The following CELF2 variants were observed in gnomAD, a reference collection of about 807,000 sequenced individuals.
The protein encoded by CELF2 is CUGBP Elav-like family member 2.
A neutral mutation model predicts 62.6 loss-of-function variants in CELF2; 8 were observed. The ratio of observed to expected loss-of-function variants is 0.13; its 90% CI spans 0.07 to 0.23. The LOEUF (loss-of-function observed/expected upper bound fraction) is 0.23, where lower values mean the gene tolerates loss of function less well. CELF2 is among the 10% of genes least tolerant of loss of function. The pLI is 1.00. For missense variants in CELF2, 333 were observed against 671.0 expected (o/e 0.50, Z 5.56); for synonymous variants, 258 against 250.0 (o/e 1.03, Z -0.30).
At chr10:11,004,830 C>T (rs971010230), upstream of CELF2, among the ~76,000 whole-genome samples, 1 of 152,140 alleles carries the variant, frequency 6.6e-6, no homozygotes, top group African/African-American at 2.4e-5. This position sits in a 1 kb window ranked among gnomAD's most constrained non-coding sequence, Gnocchi z 5.0. Context: ...ACAAGAGGAG[C>T]AGATGAATCC....
chr10:10,539,764 C>G, the CELF2 span, among the ~76,000 whole-genome samples: 5,149 of 152,236 alleles, frequency 0.034, 307 homozygotes, highest in African/African-American at 0.12. Context: ...TGAAAAAGGC[C>G]AAGACATAAT....
At chr10:10,778,542 G>A in the CELF2 span, among the ~76,000 whole-genome samples, 13 of 152,216 alleles carry the variant, frequency 8.5e-5, no homozygotes, top group African/African-American at 3.1e-4. Flanking sequence ...ATTTCTTATA[G>A]TTGAGAGTTG....
At chr10:10,695,705 TC>T in the CELF2 span, among the ~76,000 whole-genome samples, 1 of 152,180 alleles carries the variant, frequency 6.6e-6, no homozygotes. Flanking sequence ...TTTGCTCATT[TC>T]CTTTTATTCT....
chr10:11,104,821 A>G (rs1203443412), intron 1 of CELF2, among the ~76,000 whole-genome samples: 1 of 152,242 alleles, frequency 6.6e-6, no homozygotes, highest in Non-Finnish European at 1.5e-5. Context: ...CATCTGGGAA[A>G]ACAATGACAT....
chr10:11,105,232 G>A (rs532090438), intron 1 of CELF2, among the ~76,000 whole-genome samples: 1 of 152,242 alleles, frequency 6.6e-6, no homozygotes, highest in African/African-American at 2.4e-5. Context: ...AATGATTCTG[G>A]AGCCAGCCTG....
chr10:11,325,999 C>G lies in CELF2; in HGVS notation c.1438+20C>G, dbSNP rs1281470506. The stretch of plus-strand genomic sequence containing the variant: ...GCTTTGGTATGCAAAAGAAACTAAG[C>G]TAGTATATTGCAGTAGGTTCCCAAG... On this transcript the variant is annotated intron_variant, in intron 12 of 12. Transcript: ENST00000633077. 1.1e-5 allele frequency: 18 copies of G among 1,605,578 alleles called. No homozygotes were observed. The highest frequency in any genetic ancestry group is 1.5e-5 in the Non-Finnish European group (18 of 1,176,174).
At chr10:10,941,756 G>A (rs1322294566) in intron 2 of CELF2, among the ~76,000 whole-genome samples, 1 of 152,204 alleles carries the variant, frequency 6.6e-6, no homozygotes, top group Non-Finnish European at 1.5e-5. Context: ...CACATTGGGA[G>A]ACTGAGGTGG....
chr10:10,864,084 T>C (rs35414759), intron 1 of CELF2, among the ~76,000 whole-genome samples: 19,150 of 152,164 alleles, frequency 0.13, 1,558 homozygotes, highest in Non-Finnish European at 0.19. Context: ...CTTATTATAA[T>C]TAGCATATAA....
chr10:10,803,324 C>T (rs897989125), intron 1 of CELF2, among the ~76,000 whole-genome samples: 1 of 152,220 alleles, frequency 6.6e-6, no homozygotes, highest in African/African-American at 2.4e-5. Context: ...TGGCCTGACC[C>T]TTATGAACCT....
intron 2 of CELF2, among the ~76,000 whole-genome samples, chr10:10,980,332 CA>C (rs1470404804): frequency 6.6e-6 from 1 of 152,116 alleles, no homozygotes; most frequent in Non-Finnish European, 1.5e-5. Context: ...GAAGTTATGT[CA>C]CTTTTCTCTT....
At chr10:11,015,714 C>T (rs1052884997), upstream of CELF2, among the ~76,000 whole-genome samples, 1 of 152,214 alleles carries the variant, frequency 6.6e-6, no homozygotes, top group African/African-American at 2.4e-5. This position sits in a 1 kb window ranked among gnomAD's most constrained non-coding sequence, Gnocchi z 4.8. Context: ...TACTTACATA[C>T]TACTTCACCC....
chr10:10,714,238 T>A, the CELF2 span, among the ~76,000 whole-genome samples: 1 of 152,182 alleles, frequency 6.6e-6, no homozygotes, highest in Non-Finnish European at 1.5e-5. Context: ...TGAAGCTCAT[T>A]TTTTGCATGT....
At chr10:11,021,969 C>T (rs1221372359) in intron 1 of CELF2, among the ~76,000 whole-genome samples, 2 of 152,084 alleles carry the variant, frequency 1.3e-5, no homozygotes, top group East Asian at 1.9e-4. Context: ...AAGCAGAATA[C>T]GTTTTAATTA....
the CELF2 span, among the ~76,000 whole-genome samples, chr10:10,651,912 T>C: frequency 0.17 from 25,026 of 148,472 alleles, 1,923 homozygotes; most frequent in South Asian, 0.37. Context: ...CTTCAGATGA[T>C]CAAATTACTC....
At chr10:10,598,863 C>T in the CELF2 span, among the ~76,000 whole-genome samples, 1 of 140,706 alleles carries the variant, frequency 7.1e-6, no homozygotes, top group South Asian at 2.5e-4. Context: ...AAGCAATTCT[C>T]TGCCTCAGCC....
intron 1 of CELF2, among the ~76,000 whole-genome samples, chr10:10,836,188 G>A (rs573564436): frequency 6.6e-6 from 1 of 152,184 alleles, no homozygotes; most frequent in South Asian, 2.1e-4. Context: ...GATAAATGAG[G>A]TCAACTAGGG....
chr10:11,331,570 TTTTA>T lies in CELF2; in HGVS notation c.*2520_*2523del, dbSNP rs2096021177. 1 of 152,404 alleles carries T rather than the reference TTTTA, an allele frequency of 6.6e-6. No homozygotes were observed. The highest frequency in any genetic ancestry group is 2.1e-4 in the South Asian group (1 of 4,830). The allele number at this position is 152,404 out of a possible 1,614,324, so 9.4% of individuals were successfully genotyped here. ...GAGAAGTAATTTGATAACATGGGTA[TTTTA>T]TTATGTGTTTTGTATAAATCCCTAA... On this transcript the variant is annotated 3_prime_UTR_variant, in exon 13 of 13. Transcript: ENST00000633077.
intron 7 of CELF2, among the ~76,000 whole-genome samples, chr10:11,273,696 A>G (rs747747958): frequency 6.6e-6 from 1 of 152,024 alleles, no homozygotes; most frequent in African/African-American, 2.4e-5. Context: ...ACGAGCCCCA[A>G]ATAAATTCTG....
chr10:10,943,742 G>A (rs996818761), intron 2 of CELF2, among the ~76,000 whole-genome samples: 2 of 151,636 alleles, frequency 1.3e-5, no homozygotes, highest in Non-Finnish European at 2.9e-5. Context: ...GGGATTATAG[G>A]CACACACCAC....
Sources: allele counts gnomAD v4.1 joint callset (sites outside exome capture counted in the v4.1 genomes callset), GRCh38; gene constraint gnomAD v4.1.1; non-coding constraint Gnocchi (gnomAD v3.1); transcripts MANE v1.5; gene names NCBI Gene and HGNC (gene_info 2026-07-23, HGNC 2026-07-21).